Variants in AP3B1 observed in about 807,000 individuals in gnomAD.
AP3B1 encodes the protein adaptor related protein complex 3 subunit beta 1.
A neutral mutation model predicts 132.5 loss-of-function variants in AP3B1; 61 were observed. The observed-to-expected ratio is 0.46, with a 90% CI of 0.37 to 0.57. The LOEUF is 0.57. AP3B1 is among the 20% of genes least tolerant of loss of function. AP3B1 has a pLI of 0.00. For missense variants in AP3B1, 1,120 were observed against 1,289.4 expected, an observed-to-expected ratio of 0.87 and a Z score of 2.01; for synonymous variants, 388 against 438.3, an observed-to-expected ratio of 0.89 and a Z score of 1.43.
At position 78,018,321 on chromosome 5, in the gene AP3B1, A is replaced by ATT. The variant is rs561079321; in HGVS notation, c.2992+2369_2992+2370dup. Reference sequence around the variant, plus strand: ...ATTTACCACTTTGACTACCAATCTTATTATATATATATAAAAAAGTTTAGC... The same window carrying ATT: ...ATTTACCACTTTGACTACCAATCTTATTTTATATATATATAAAAAAGTTTAGC... On this transcript the variant is annotated intron_variant, in intron 25 of 26. Transcript: ENST00000255194. Among the ~76,000 whole-genome samples, 164 of 152,082 alleles carry ATT rather than the reference A, an allele frequency of 1.1e-3. 1 individual carries two copies. Among genetic ancestry groups the ATT allele is most frequent in the African/African-American group, 3.9e-3 (160 of 41,540 alleles).
rs574566234 is a variant in AP3B1, at chr5:78,129,281, T to C, written c.1677A>G (p.Leu559=). Residue 559 remains leucine, a synonymous_variant, in exon 16 of 27, where the codon TTA becomes TTG. Coordinates refer to ENST00000255194, the MANE Select transcript of AP3B1 (RefSeq NM_003664.5). Reference sequence around the variant, plus strand: ...AGTTTTGATCATACTTGCCGAGATTTAATATGTACTGGGTAAGCAATTTTG... The same window carrying C: ...AGTTTTGATCATACTTGCCGAGATTCAATATGTACTGGGTAAGCAATTTTG... ...KQTKLLTQYI[L]NLGKYDQNYD... 6.2e-7 allele frequency: 1 copy of C among 1,612,992 alleles called. No homozygotes were observed. Among genetic ancestry groups the C allele is most frequent in the Middle Eastern group, 1.7e-4 (1 of 6,056 alleles).
chr5:78,159,270 G>C (rs1025535585), intron 13 of AP3B1, among the ~76,000 whole-genome samples: 3 of 152,156 alleles, frequency 2.0e-5, no homozygotes, highest in African/African-American at 7.2e-5. Flanking sequence ...ACGCAGGATT[G>C]GCTACAGTTG....
At chr5:78,245,566 T>C (rs951581352) in intron 2 of AP3B1, among the ~76,000 whole-genome samples, 2 of 152,272 alleles carry the variant, frequency 1.3e-5, no homozygotes, top group East Asian at 3.9e-4. Flanking sequence ...CACAAGCCCT[T>C]TTCCCAACAT....
At chr5:78,260,212 C>A (rs1748026004) in intron 2 of AP3B1, among the ~76,000 whole-genome samples, 1 of 152,094 alleles carries the variant, frequency 6.6e-6, no homozygotes, top group African/African-American at 2.4e-5. Flanking sequence ...TTCCGACAGG[C>A]AAGGACTTTG....
intron 2 of AP3B1, among the ~76,000 whole-genome samples, chr5:78,248,245 A>C (rs903673700): frequency 2.0e-5 from 3 of 152,162 alleles, no homozygotes; most frequent in Non-Finnish European, 4.4e-5. Flanking sequence ...TAATCCCAGC[A>C]CTTTGGGAGG....
chr5:78,004,796 G>T (rs1746323467), intron 26 of AP3B1, among the ~76,000 whole-genome samples: 1 of 152,194 alleles, frequency 6.6e-6, no homozygotes. Context: ...CCTACTGAGA[G>T]AAGCAATTGT....
chr5:78,190,253 T>C (rs78118312), intron 7 of AP3B1, among the ~76,000 whole-genome samples: 2,137 of 152,242 alleles, frequency 0.014, 56 homozygotes, highest in African/African-American at 0.049. Flanking sequence ...TTTTATGAAA[T>C]TTCAGTTTGG....
chr5:78,242,860 TG>T (rs1747201131), intron 2 of AP3B1, among the ~76,000 whole-genome samples: 2 of 152,238 alleles, frequency 1.3e-5, no homozygotes, highest in Non-Finnish European at 2.9e-5. Flanking sequence ...GTCCAGACTT[TG>T]GTAACCACAA....
chr5:78,088,222 A>C (rs1313960459), intron 22 of AP3B1, among the ~76,000 whole-genome samples: 1 of 152,220 alleles, frequency 6.6e-6, no homozygotes, highest in African/African-American at 2.4e-5. Flanking sequence ...GAATAAATAA[A>C]AGACTTAACT....
intron 22 of AP3B1, chr5:78,043,838 C>A: frequency 2.8e-6 from 1 of 363,416 alleles, no homozygotes; most frequent in South Asian, 2.6e-5. Context: ...GGGAATACAC[C>A]CTGACTTTGG....
chr5:78,049,550 T>C (rs1301945551), intron 22 of AP3B1, among the ~76,000 whole-genome samples: 2 of 152,148 alleles, frequency 1.3e-5, no homozygotes, highest in East Asian at 3.9e-4. Flanking sequence ...GCAGGCTCAG[T>C]AGGCTAGAAG....
intron 7 of AP3B1, among the ~76,000 whole-genome samples, chr5:78,185,139 G>T (rs1744550149): frequency 6.6e-6 from 1 of 152,018 alleles, no homozygotes; most frequent in African/African-American, 2.4e-5. Context: ...TGAAGGGGGA[G>T]AAAATCAAGA....
intron 22 of AP3B1, among the ~76,000 whole-genome samples, chr5:78,055,325 C>T (rs1748766109): frequency 6.6e-6 from 1 of 152,176 alleles, no homozygotes; most frequent in Non-Finnish European, 1.5e-5. Flanking sequence ...TAGTTTCCTT[C>T]TCATGAGGCA....
At chr5:78,092,300 T>C (rs1750555006) in intron 21 of AP3B1, among the ~76,000 whole-genome samples, 1 of 152,132 alleles carries the variant, frequency 6.6e-6, no homozygotes, top group African/African-American at 2.4e-5. Flanking sequence ...TAAAAAAGGA[T>C]GGGTTTTAAT....
chr5:78,133,210 CAA>C (rs1454010538), intron 15 of AP3B1, among the ~76,000 whole-genome samples: 2 of 152,208 alleles, frequency 1.3e-5, no homozygotes, highest in Non-Finnish European at 2.9e-5. Flanking sequence ...TCCAGCAAAG[CAA>C]AAGACAGCTT....
At chr5:78,154,959 CT>C (rs1297522512) in intron 14 of AP3B1, among the ~76,000 whole-genome samples, 3 of 152,102 alleles carry the variant, frequency 2.0e-5, no homozygotes, top group African/African-American at 7.2e-5. Flanking sequence ...CCCCTGACGC[CT>C]TATGTAGTTT....
At chr5:78,071,688 T>G (rs529634016) in intron 22 of AP3B1, among the ~76,000 whole-genome samples, 1 of 152,188 alleles carries the variant, frequency 6.6e-6, no homozygotes, top group Non-Finnish European at 1.5e-5. Flanking sequence ...CCAAACACAT[T>G]TGATGAGCAC....
At chr5:78,097,538 G>T (rs4703751) in intron 21 of AP3B1, among the ~76,000 whole-genome samples, 3 of 78,104 alleles carry the variant, frequency 3.8e-5, no homozygotes, top group East Asian at 6.2e-4. Context: ...CCGGCCAGCC[G>T]CCCCGTCCGG....
chr5:78,184,809 A>G (rs1012846387), intron 7 of AP3B1, among the ~76,000 whole-genome samples: 4 of 152,248 alleles, frequency 2.6e-5, no homozygotes, highest in African/African-American at 9.6e-5. Context: ...AGAGAACTCA[A>G]AGAAATAATG....
Sources: allele counts gnomAD v4.1 joint callset (sites outside exome capture counted in the v4.1 genomes callset), GRCh38; gene constraint gnomAD v4.1.1; transcripts MANE v1.5; gene names NCBI Gene and HGNC (gene_info 2026-07-23, HGNC 2026-07-21).